Variants in SRD5A2 observed in about 807,000 individuals in gnomAD.
SRD5A2 encodes the protein steroid 5 alpha-reductase 2, also known as 3-oxo-5-alpha-steroid 4-dehydrogenase 2.
Under a neutral mutation model 27.4 loss-of-function variants are expected in SRD5A2, and 30 were observed. The ratio of observed to expected loss-of-function variants is 1.10; its 90% CI spans 0.82 to 1.49. The LOEUF (loss-of-function observed/expected upper bound fraction) is 1.49. SRD5A2 is among the 40% of genes most tolerant of loss of function. The pLI, the probability that SRD5A2 is intolerant of heterozygous loss-of-function variation, is 0.00. For synonymous variants in SRD5A2, 141 were observed against 133.6 expected (o/e 1.06, Z -0.38); for missense variants, 348 against 323.4 (o/e 1.08, Z -0.58).
intron 1 of SRD5A2, among the ~76,000 whole-genome samples, chr2:31,560,064 C>G (rs78390730): frequency 1.4e-5 from 2 of 145,606 alleles, no homozygotes; most frequent in South Asian, 2.2e-4. Context: ...ATCCCCCCCC[C>G]CCCCTTTTTT....
chr2:31,614,338 T>C, the SRD5A2 span, among the ~76,000 whole-genome samples: 2 of 152,162 alleles, frequency 1.3e-5, no homozygotes, highest in Non-Finnish European at 2.9e-5. Flanking sequence ...GGCAATCAAA[T>C]CTTAAAGCTG....
At position 31,524,388 on chromosome 2, in the gene SRD5A2, G is replaced by C. The variant is rs1340905409; in HGVS notation, c.*1808C>G. On this transcript the variant is annotated 3_prime_UTR_variant, in exon 5 of 5. Coordinates refer to ENST00000622030, the MANE Select transcript of SRD5A2 (RefSeq NM_000348.4). ...TTGTAGTTCTGAATTGTGGCTGAGAGGCTGTATAAGTCATACTTCTTTATT... is the reference window on the plus strand; with the variant it reads ...TTGTAGTTCTGAATTGTGGCTGAGACGCTGTATAAGTCATACTTCTTTATT... 4.4e-6 allele frequency: 1 copy of C among 227,494 alleles called. No homozygotes were observed. Among genetic ancestry groups the C allele is most frequent in the African/African-American group, 2.2e-5 (1 of 45,030 alleles). 14.1% of individuals were successfully genotyped at this position (227,494 alleles called of 1,614,324 possible).
intron 2 of SRD5A2, 140 bp from the exon 3 acceptor site, chr2:31,531,612 G>C (rs1450463196): frequency 2.0e-6 from 1 of 507,750 alleles, no homozygotes; most frequent in Non-Finnish European, 3.4e-6. Context: ...GGCAGAAAGT[G>C]GGGAGGGCAA....
Position 31,564,989 on chromosome 2 carries a change from C to T in SRD5A2, c.281+15631G>A, listed in dbSNP as rs28383010. Reference sequence around the variant, plus strand: ...TTAAAACTGTTTAAAAGATAATTGACGATTTAAACAAAAATAATAGTAATA... The same window carrying T: ...TTAAAACTGTTTAAAAGATAATTGATGATTTAAACAAAAATAATAGTAATA... On this transcript the variant is annotated intron_variant, in intron 1 of 4. Coordinates refer to ENST00000622030, the MANE Select transcript of SRD5A2 (RefSeq NM_000348.4). 1.2e-4 allele frequency among the ~76,000 whole-genome samples: 18 copies of T among 151,688 alleles called. No individual in the cohort carries two copies. The South Asian group carries it at 1.5e-3, about 12-fold the overall frequency.
chr2:31,655,762 T>A, the SRD5A2 span, among the ~76,000 whole-genome samples: 1 of 152,274 alleles, frequency 6.6e-6, no homozygotes, highest in East Asian at 1.9e-4. Context: ...TTTAGAAGAA[T>A]AAATAAATAA....
the SRD5A2 span, among the ~76,000 whole-genome samples, chr2:31,627,646 C>A: frequency 1.3e-5 from 2 of 152,030 alleles, no homozygotes; most frequent in Non-Finnish European, 2.9e-5. Context: ...GGCTGTTTCC[C>A]AGAGCTTCTG....
At chr2:31,622,335 G>T in the SRD5A2 span, among the ~76,000 whole-genome samples, 1 of 152,042 alleles carries the variant, frequency 6.6e-6, no homozygotes, top group Admixed American at 6.6e-5. Context: ...ATTCCATATT[G>T]TATATATGTT....
At chr2:31,556,383 G>A (rs1359692948) in intron 1 of SRD5A2, among the ~76,000 whole-genome samples, 1 of 152,054 alleles carries the variant, frequency 6.6e-6, no homozygotes, top group Non-Finnish European at 1.5e-5. Flanking sequence ...CTAATTCCAG[G>A]AACTTATGAA....
chr2:31,623,688 A>C, the SRD5A2 span, among the ~76,000 whole-genome samples: 4 of 152,114 alleles, frequency 2.6e-5, no homozygotes, highest in African/African-American at 4.8e-5. Flanking sequence ...GCCACTTTTC[A>C]AGGGGAATGC....
chr2:31,640,578 T>C, the SRD5A2 span, among the ~76,000 whole-genome samples: 1 of 152,130 alleles, frequency 6.6e-6, no homozygotes, highest in Non-Finnish European at 1.5e-5. Flanking sequence ...CACGGCTCTA[T>C]TAAATAGTTG....
intron 4 of SRD5A2, among the ~76,000 whole-genome samples, chr2:31,526,684 G>C (rs1215142061): frequency 6.6e-6 from 1 of 152,168 alleles, no homozygotes; most frequent in Non-Finnish European, 1.5e-5. Context: ...AATGTTCCCA[G>C]GAAAATATCC....
At chr2:31,566,576 C>T (rs886237030) in intron 1 of SRD5A2, among the ~76,000 whole-genome samples, 7 of 152,176 alleles carry the variant, frequency 4.6e-5, no homozygotes, top group African/African-American at 1.7e-4. Context: ...CCAAGTGCTA[C>T]TTTGCCAGGT....
chr2:31,548,719 C>T (rs1166080888), intron 1 of SRD5A2, among the ~76,000 whole-genome samples: 1 of 152,148 alleles, frequency 6.6e-6, no homozygotes, highest in Non-Finnish European at 1.5e-5. Context: ...CATGACATAG[C>T]AAATCCACTT....
chr2:31,602,356 G>A, the SRD5A2 span, among the ~76,000 whole-genome samples: 1 of 151,822 alleles, frequency 6.6e-6, no homozygotes, highest in African/African-American at 2.4e-5. Context: ...TGCTAACAAA[G>A]GAAGTGAAGG....
intron 1 of SRD5A2, among the ~76,000 whole-genome samples, chr2:31,539,914 ATAACT>A (rs1438417875): frequency 6.6e-6 from 1 of 152,244 alleles, no homozygotes; most frequent in African/African-American, 2.4e-5. Flanking sequence ...TCAATGGAAA[ATAACT>A]TAACATACCA....
At chr2:31,603,265 A>C in the SRD5A2 span, among the ~76,000 whole-genome samples, 380 of 152,206 alleles carry the variant, frequency 2.5e-3, 1 homozygote, top group Middle Eastern at 6.8e-3. Flanking sequence ...TTCTCAAAAG[A>C]AGACATACAT....
the SRD5A2 span, among the ~76,000 whole-genome samples, chr2:31,620,345 G>A: frequency 6.6e-5 from 10 of 152,082 alleles, no homozygotes; most frequent in Non-Finnish European, 1.3e-4. Flanking sequence ...AGGGCAATGA[G>A]GCAAGAGAGA....
At chr2:31,618,340 A>G in the SRD5A2 span, among the ~76,000 whole-genome samples, 1 of 152,148 alleles carries the variant, frequency 6.6e-6, no homozygotes. Flanking sequence ...TCAGTATCCA[A>G]AGGAAATAAA....
chr2:31,652,755 A>C, the SRD5A2 span, among the ~76,000 whole-genome samples: 1 of 152,230 alleles, frequency 6.6e-6, no homozygotes, highest in South Asian at 2.1e-4. Flanking sequence ...CTACAGAAGA[A>C]AGTGAGAATA....
Sources: allele counts gnomAD v4.1 joint callset (sites outside exome capture counted in the v4.1 genomes callset), GRCh38; gene constraint gnomAD v4.1.1; transcripts MANE v1.5; gene names NCBI Gene and HGNC (gene_info 2026-07-23, HGNC 2026-07-21).